The following CROCC variants were observed in gnomAD, a reference collection of about 807,000 sequenced individuals.
CROCC encodes the protein rootletin.
A neutral mutation model predicts 245.2 loss-of-function variants in CROCC; 180 were observed. That is an observed-to-expected ratio of 0.73 (90% CI 0.65 to 0.83). The LOEUF (loss-of-function observed/expected upper bound fraction) is 0.83, where lower values mean the gene tolerates loss of function less well. CROCC is among the 40% of genes least tolerant of loss of function. The probability of loss-of-function intolerance (pLI) is 0.00; values close to 1 mark genes in which losing one functional copy is unlikely to be tolerated. For synonymous variants in CROCC, 1,205 were observed against 1,241.6 expected, an observed-to-expected ratio of 0.97 and a Z score of 0.62; for missense variants, 2,688 against 2,779.4, an observed-to-expected ratio of 0.97 and a Z score of 0.74.
upstream of CROCC, among the ~76,000 whole-genome samples, chr1:16,920,500 G>T (rs1442990422): frequency 3.3e-5 from 5 of 152,256 alleles, no homozygotes; most frequent in Non-Finnish European, 7.3e-5. Context: ...GCCTGGTTTA[G>T]TCTCCTTTTA....
rs201802117 is a variant in CROCC, at chr1:16,966,161, T to G, written c.4696+42T>G. 4.5e-5 allele frequency: 71 copies of G among 1,578,920 alleles called. No individual in the cohort carries two copies. Among genetic ancestry groups the G allele is most frequent in the Non-Finnish European group, 6.0e-5 (69 of 1,157,188 alleles). On this transcript the variant is annotated intron_variant, in intron 29 of 36. Coordinates refer to ENST00000375541, the MANE Select transcript of CROCC (RefSeq NM_014675.5). The surrounding 1 kb of genome is among the most constrained non-coding windows in gnomAD (Gnocchi z 4.8). ...GGGTCCCTGTTCTCTCTCCTGTGTTTTGGGCAGTTGAGGCAGGAGCCGGGG... is the reference window on the plus strand; with the variant it reads ...GGGTCCCTGTTCTCTCTCCTGTGTTGTGGGCAGTTGAGGCAGGAGCCGGGG...
chr1:16,970,086 G>T, intron 33 of CROCC, 152 bp downstream of exon 33: 1 of 1,245,574 alleles, frequency 8.0e-7, no homozygotes, highest in Non-Finnish European at 1.1e-6. Flanking sequence ...CTGTTATACA[G>T]ATGGAGAAAC....
intron 27 of CROCC, among the ~76,000 whole-genome samples, chr1:16,963,445 G>T (rs1006441581): frequency 6.6e-6 from 1 of 152,118 alleles, no homozygotes; most frequent in Admixed American, 6.5e-5. Flanking sequence ...GACATTATAG[G>T]CCTCTACGGG....
At chr1:16,937,971 C>A (rs1372676644) in intron 10 of CROCC, among the ~76,000 whole-genome samples, 2 of 152,282 alleles carry the variant, frequency 1.3e-5, no homozygotes, top group African/African-American at 4.8e-5. Flanking sequence ...AACTGAGGCC[C>A]AAGAGGGGTA....
At position 16,958,866 on chromosome 1, in the gene CROCC, C is replaced by G; in HGVS notation, c.4032+116C>G. 5 of 1,194,390 alleles carry G rather than the reference C, an allele frequency of 4.2e-6. No individual in the cohort carries two copies. The South Asian group carries it at 7.7e-5, about 18-fold the overall frequency. The allele number at this position is 1,194,390 out of a possible 1,614,324, so 74.0% of individuals were successfully genotyped here. A position where few individuals can be genotyped will look rare whatever the true frequency, so the allele number is the denominator to read the frequency against. Reference sequence around the variant, plus strand: ...CACTCCCTAGGGCTTGCTCCTTCCCCCACTCCTTGAGACTCTTCCCCAGTT... The same window carrying G: ...CACTCCCTAGGGCTTGCTCCTTCCCGCACTCCTTGAGACTCTTCCCCAGTT... On this transcript the variant is annotated intron_variant, in intron 26 of 36. Transcript: ENST00000375541.
At chr1:16,958,497 A>G in intron 25 of CROCC, 86 bp from the exon 26 acceptor site, 1 of 1,465,344 alleles carries the variant, frequency 6.8e-7, no homozygotes. Flanking sequence ...GTGTCCCTAC[A>G]GCAGTAGGTA....
At chr1:16,972,285 G>C in intron 36 of CROCC, 75 bp from the exon 37 acceptor site, 1 of 1,164,778 alleles carries the variant, frequency 8.6e-7, no homozygotes, top group Non-Finnish European at 1.3e-6. Context: ...GTGTCCCTCC[G>C]GGTTCCCTGC....
chr1:16,940,441 T>C (rs561838168), intron 13 of CROCC, among the ~76,000 whole-genome samples: 1 of 151,538 alleles, frequency 6.6e-6, no homozygotes, highest in African/African-American at 2.4e-5. Flanking sequence ...CAGGCTGGAG[T>C]GCAGTGGCGC....
chr1:16,966,060 G>A lies in CROCC; in HGVS notation c.4637G>A (p.Arg1546Lys). 6.2e-7 allele frequency: 1 copy of A among 1,613,970 alleles called. No homozygotes were observed. Among genetic ancestry groups the A allele is most frequent in the Non-Finnish European group, 8.5e-7 (1 of 1,179,856 alleles). The change falls in exon 29 of 37, where the codon AGG becomes AAG. Residue 1546 changes from arginine to lysine, a missense_variant. By Grantham distance (26) the Arg-to-Lys change is conservative. Coordinates refer to ENST00000375541, the MANE Select transcript of CROCC (RefSeq NM_014675.5). This position sits in a 1 kb window ranked among gnomAD's most constrained non-coding sequence, Gnocchi z 4.8. ...CAGCTGGCCGAGATGGAGGCTGAGA[G>A]GGACAGCGCAACCTCGAGGGCCAGG... ...NRQLAEMEAE[R>K]DSATSRARQL... is the part of the protein sequence containing the mutation.
chr1:16,939,564 C>G (rs774454282), intron 12 of CROCC, among the ~76,000 whole-genome samples: 11 of 152,126 alleles, frequency 7.2e-5, no homozygotes, highest in Non-Finnish European at 1.2e-4. Context: ...AGAGTGGAAC[C>G]AGGATGCAAG....
rs2075859223 is a variant in CROCC at position 16,939,063 on chromosome 1, G to A, written c.1529G>A (p.Gly510Asp). 6.3e-7 allele frequency: 1 copy of A among 1,587,542 alleles called. No homozygotes were observed. Among genetic ancestry groups the A allele is most frequent in the Non-Finnish European group, 8.5e-7 (1 of 1,171,444 alleles). The change falls in exon 12 of 37, where the codon GGC becomes GAC. Residue 510 changes from glycine to aspartate, a missense_variant. Around this residue, in one of 9 missense-constraint regions of CROCC, gnomAD observed 972 missense variants for 895.3 expected, o/e 1.09. Transcript: ENST00000375541. ...SPGRGRSPRR[G>D]PSPACSDSST... Reference sequence around the variant, plus strand: ...GGCCGAGGCCGTTCACCCCGCCGAGGCCCCTCCCCGGCCTGCTCAGACTCC... The same window carrying A: ...GGCCGAGGCCGTTCACCCCGCCGAGACCCCTCCCCGGCCTGCTCAGACTCC...
intron 1 of CROCC, 72 bp downstream of exon 1, chr1:16,922,150 G>A (rs2075421985): frequency 1.4e-6 from 2 of 1,387,220 alleles, no homozygotes; most frequent in Non-Finnish European, 1.9e-6. Flanking sequence ...GGTGAGAGGT[G>A]TGTGCGTCTT....
chr1:16,922,926 CAGA>C, intron 2 of CROCC, 128 bp downstream of exon 2: 1 of 1,346,096 alleles, frequency 7.4e-7, no homozygotes. Context: ...AGCTTTATGA[CAGA>C]AGAACCCATT....
At position 16,953,416 on chromosome 1, in the gene CROCC, G is replaced by A. The variant is rs2076196381; in HGVS notation, c.3121G>A (p.Glu1041Lys). ...LEAEKEELSE[E>K]IAALQQERDE... ...GGCTGAGAAGGAAGAGCTGAGTGAG[G>A]AGATTGCTGCCCTGCAGCAGGAGCG... is the stretch of plus-strand genomic sequence containing the variant. The change falls in exon 21 of 37, where the codon GAG (glutamate) becomes AAG (lysine). Residue 1041 changes from glutamate to lysine, a missense_variant. Around this residue, in one of 9 missense-constraint regions of CROCC, gnomAD observed 106 missense variants for 126.1 expected, o/e 0.84. Coordinates refer to ENST00000375541, the MANE Select transcript of CROCC (RefSeq NM_014675.5). 6.2e-7 allele frequency: 1 copy of A among 1,610,822 alleles called. No individual in the cohort carries two copies. Among genetic ancestry groups the A allele is most frequent in the African/African-American group, 1.3e-5 (1 of 74,872 alleles).
At chr1:16,961,785 T>G (rs1322131042) in intron 27 of CROCC, among the ~76,000 whole-genome samples, 6 of 152,094 alleles carry the variant, frequency 3.9e-5, no homozygotes, top group African/African-American at 1.4e-4. Flanking sequence ...TTAATTTTTG[T>G]GTTTTTAGTA....
In CROCC at chr1:16,922,017, C is replaced by A; in HGVS notation, c.-2C>A. On this transcript the variant is annotated 5_prime_UTR_variant, in exon 1 of 37. Transcript: ENST00000375541. The stretch of plus-strand genomic sequence containing the variant: ...TGGAGGCATGCCCACAGCCTCCCCC[C>A]CATGAGCTTGGGGCTGGCGGGGGCA... The A allele has an allele frequency of 6.4e-7, 1 of 1,551,424 alleles. No homozygotes were observed. The highest frequency in any genetic ancestry group is 1.4e-5 in the African/African-American group (1 of 73,334).
At position 16,929,941 on chromosome 1, in the gene CROCC, G is replaced by A. The variant is rs2075627775; in HGVS notation, c.447G>A (p.Gln149=). ...GCGTGGAGTTGCGGAGGCAGCTGCA[G>A]GAGGAGCAGGCCTCCTACCGGCGCA... ...RQSVELRRQL[Q]EEQASYRRKL... The change falls in exon 4 of 37, where the codon CAG becomes CAA. Residue 149 remains glutamine (Q), a synonymous_variant. Coordinates refer to ENST00000375541, the MANE Select transcript of CROCC (RefSeq NM_014675.5). 6.3e-7 allele frequency: 1 copy of A among 1,587,294 alleles called. No individual in the cohort carries two copies. Among genetic ancestry groups the A allele is most frequent in the East Asian group, 2.3e-5 (1 of 44,214 alleles).
chr1:16,941,390 A>G (rs146123751), intron 13 of CROCC: 8,939 of 150,546 alleles, frequency 0.059, 72 homozygotes, highest in African/African-American at 0.11. Flanking sequence ...GTGCCACTGC[A>G]CTCCAGGCTG....
At chr1:16,967,387 C>T (rs537500374) in intron 30 of CROCC, among the ~76,000 whole-genome samples, 1 of 152,196 alleles carries the variant, frequency 6.6e-6, no homozygotes, top group Non-Finnish European at 1.5e-5. Flanking sequence ...TGCTTCCCCC[C>T]ACCACCCCCG....
Sources: allele counts gnomAD v4.1 joint callset (sites outside exome capture counted in the v4.1 genomes callset), GRCh38; gene constraint gnomAD v4.1.1; regional missense constraint gnomAD v4.1.1; non-coding constraint Gnocchi (gnomAD v3.1); transcripts MANE v1.5; gene names NCBI Gene and HGNC (gene_info 2026-07-23, HGNC 2026-07-21).